The following CCDC47 variants were observed in gnomAD, a reference collection of about 807,000 sequenced individuals.
CCDC47 encodes the protein PAT complex subunit CCDC47.
CCDC47 carries 41 observed loss-of-function variants against 60.5 expected under a neutral mutation model. The observed-to-expected ratio is 0.68, with a 90% CI of 0.53 to 0.88. CCDC47 has a LOEUF of 0.88. CCDC47 is among the 40% of genes least tolerant of loss of function. The probability of loss-of-function intolerance (pLI) is 0.00; values close to 1 mark genes in which losing one functional copy is unlikely to be tolerated. For missense variants in CCDC47, 513 were observed against 580.9 expected (o/e 0.88, Z 1.20); for synonymous variants, 195 against 190.7 (o/e 1.02, Z -0.18).
In CCDC47 at chr17:63,752,113, C is replaced by T; in HGVS notation, c.1204-6G>A. On this transcript the variant is annotated splice_region_variant and splice_polypyrimidine_tract_variant and intron_variant, in intron 11 of 12. Transcript: ENST00000225726. ...TTATCTGCTTTTTGTTTGCCCTTCC[C>T]CAAGAAACAAAGTATTTCATAAGAA... 1 of 1,612,124 alleles carries T rather than the reference C, an allele frequency of 6.2e-7. No individual in the cohort carries two copies. The highest frequency in any genetic ancestry group is 2.2e-5 in the East Asian group (1 of 44,870).
intron 1 of CCDC47, among the ~76,000 whole-genome samples, chr17:63,769,570 G>A (rs1322244623): frequency 1.4e-5 from 2 of 143,154 alleles, no homozygotes; most frequent in African/African-American, 2.6e-5. Flanking sequence ...CCGAGACAGC[G>A]CCATTGCAGT....
At chr17:63,765,684 T>C (rs2067750511) in intron 2 of CCDC47, 1 of 1,345,514 alleles carries the variant, frequency 7.4e-7, no homozygotes. Context: ...ACAAACAGTA[T>C]CTATTCTCTA....
intron 1 of CCDC47, among the ~76,000 whole-genome samples, chr17:63,767,202 G>T (rs1269248332): frequency 6.6e-6 from 1 of 152,180 alleles, no homozygotes; most frequent in African/African-American, 2.4e-5. Context: ...TTCTCAGGCT[G>T]CATCTCAAAT....
Position 63,764,835 on chromosome 17 carries a change from CAGT to C in CCDC47, c.274_276del (p.Thr92del), listed in dbSNP as rs879220905. The C allele has an allele frequency of 3.7e-6, 6 of 1,611,712 alleles. No individual in the cohort carries two copies. In the South Asian group the frequency reaches 6.6e-5, roughly 18 times the overall value. ...TCTTCATCATCATATGGTTCACTCT[CAGT>C]ATCTCCCTCCTACAAAAATGAGGCA... is the stretch of plus-strand genomic sequence containing the variant. On this transcript the variant is annotated inframe_deletion, in exon 3 of 13. Coordinates refer to ENST00000225726, the MANE Select transcript of CCDC47 (RefSeq NM_020198.3).
intron 1 of CCDC47, among the ~76,000 whole-genome samples, chr17:63,768,277 T>C (rs1270444575): frequency 2.0e-5 from 3 of 152,186 alleles, no homozygotes; most frequent in Non-Finnish European, 4.4e-5. Context: ...TGAACATAAA[T>C]TTGCACAGGA....
chr17:63,754,853 G>A (rs550347686), intron 8 of CCDC47, among the ~76,000 whole-genome samples: 4 of 150,722 alleles, frequency 2.7e-5, no homozygotes, highest in South Asian at 4.2e-4. Context: ...ACTGTACTCC[G>A]GTCTGGGCGA....
chr17:63,756,509 C>G lies in CCDC47; in HGVS notation c.797G>C (p.Arg266Pro), dbSNP rs774103882. The G allele has an allele frequency of 5.6e-6, 9 of 1,613,914 alleles. No individual in the cohort carries two copies. The Admixed American group carries it at 1.3e-4, about 24-fold the overall frequency. The change falls in exon 7 of 13, where the codon CGG (arginine) becomes CCG (proline). Residue 266 changes from arginine to proline, a missense_variant. Physicochemically the swap from Arg to Pro is moderately radical, Grantham distance 103 (BLOSUM62 -2). Coordinates refer to ENST00000225726, the MANE Select transcript of CCDC47 (RefSeq NM_020198.3). ...TTTCTGTAGTCGCACCAAGGCTTTC[C>G]GTGTGCCAACAGCAAATACGTAGGT... is the stretch of plus-strand genomic sequence containing the variant. ...MDTYVFAVGT[R>P]KALVRLQKEM...
At chr17:63,772,239 A>T (rs2144503980) in intron 1 of CCDC47, among the ~76,000 whole-genome samples, 1 of 144,756 alleles carries the variant, frequency 6.9e-6, no homozygotes, top group East Asian at 2.1e-4. Flanking sequence ...TACGGGAGAT[A>T]TGTACCAAGG....
chr17:63,760,076 A>G (rs1307719171), intron 6 of CCDC47, among the ~76,000 whole-genome samples: 3 of 151,398 alleles, frequency 2.0e-5, no homozygotes, highest in Non-Finnish European at 4.4e-5. Flanking sequence ...AAAAAAAAAA[A>G]AAAAAGAAAC....
chr17:63,752,942 T>C, intron 9 of CCDC47, 143 bp from the exon 10 acceptor site: 1 of 1,353,918 alleles, frequency 7.4e-7, no homozygotes. Flanking sequence ...TCAAATATAA[T>C]GAAGGAGCTT....
intron 12 of CCDC47, among the ~76,000 whole-genome samples, chr17:63,750,251 T>C (rs1959900489): frequency 6.6e-6 from 1 of 152,242 alleles, no homozygotes; most frequent in African/African-American, 2.4e-5. Context: ...TACCTATTAA[T>C]GATTCCTCTG....
intron 6 of CCDC47, among the ~76,000 whole-genome samples, chr17:63,760,595 T>C (rs2039250927): frequency 6.6e-6 from 1 of 152,128 alleles, no homozygotes; most frequent in South Asian, 2.1e-4. Context: ...TCCCAGCACT[T>C]TGGGAGGCCA....
intron 9 of CCDC47, among the ~76,000 whole-genome samples, chr17:63,754,095 G>A (rs942168041): frequency 6.6e-6 from 1 of 152,104 alleles, no homozygotes; most frequent in African/African-American, 2.4e-5. Flanking sequence ...AACAGAGTGA[G>A]ACAGCGTCTC....
intron 4 of CCDC47, among the ~76,000 whole-genome samples, chr17:63,763,060 G>A (rs558169880): frequency 1.9e-4 from 29 of 152,248 alleles, no homozygotes; most frequent in African/African-American, 7.0e-4. Flanking sequence ...TGGGACCACA[G>A]AAGCACACCA....
At chr17:63,771,045 G>GAAAGAAAGAAAGAAAGAAAGA (rs56378189) in intron 1 of CCDC47, among the ~76,000 whole-genome samples, 27 of 97,832 alleles carry the variant, frequency 2.8e-4, no homozygotes, top group Middle Eastern at 5.5e-3. Context: ...AGGAAGGAAG[G>GAAAGAAAGAAAGAAAGAAAGA]AAGAAAGAAA....
Position 63,764,801 on chromosome 17 carries a change from C to A in CCDC47, c.311G>T (p.Gly104Val), listed in dbSNP as rs927703180. The A allele has an allele frequency of 6.2e-7, 1 of 1,613,390 alleles. No homozygotes were observed. The highest frequency in any genetic ancestry group is 8.5e-7 in the Non-Finnish European group (1 of 1,179,850). ...SEPYDDEEFE[G>V]YEDKPDTSSS... ...AGAAGTATCTGGTTTGTCTTCATAA[C>A]CTTCAAATTCTTCATCATCATATGG... is the stretch of plus-strand genomic sequence containing the variant. The change falls in exon 3 of 13, where the codon GGT (glycine) becomes GTT (valine). Residue 104 changes from glycine to valine, a missense_variant. Gly to Val is a moderately radical substitution (Grantham distance 109). Coordinates refer to ENST00000225726, the MANE Select transcript of CCDC47 (RefSeq NM_020198.3).
intron 4 of CCDC47, among the ~76,000 whole-genome samples, chr17:63,763,271 C>T (rs2039273655): frequency 6.6e-6 from 1 of 152,116 alleles, no homozygotes; most frequent in Admixed American, 6.6e-5. Context: ...GTCTGTAATC[C>T]CAGCAATTTG....
chr17:63,751,849 T>C (rs2039168133), intron 12 of CCDC47, 91 bp downstream of exon 12: 1 of 1,398,624 alleles, frequency 7.1e-7, no homozygotes, highest in African/African-American at 1.4e-5. Context: ...TGCTAAACTT[T>C]TAGCCTACAA....
intron 2 of CCDC47, 43 bp from the exon 3 acceptor site, chr17:63,764,890 C>A (rs375886648): frequency 7.6e-5 from 120 of 1,584,642 alleles, no homozygotes; most frequent in Non-Finnish European, 9.4e-5. Flanking sequence ...ACAAATGTCA[C>A]CAGCAGCTGT....
Sources: allele counts gnomAD v4.1 joint callset (sites outside exome capture counted in the v4.1 genomes callset), GRCh38; gene constraint gnomAD v4.1.1; transcripts MANE v1.5; gene names NCBI Gene and HGNC (gene_info 2026-07-23, HGNC 2026-07-21).